SIK3: variants seen among roughly 807,000 people sequenced by gnomAD.
SIK3 encodes serine/threonine-protein kinase SIK3.
Under a neutral mutation model 144.2 loss-of-function variants are expected in SIK3, and 28 were observed. The observed-to-expected ratio is 0.19, with a 90% CI of 0.14 to 0.27. The LOEUF (loss-of-function observed/expected upper bound fraction) is 0.27, where lower values mean the gene tolerates loss of function less well. Ranked by LOEUF, SIK3 falls within the 10% of genes least tolerant of loss-of-function variation. The pLI is 1.00. For missense variants in SIK3, 1,319 were observed against 1,776.0 expected (o/e 0.74, Z 4.62); for synonymous variants, 686 against 676.3 (o/e 1.01, Z -0.22).
At chr11:117,029,536 G>A (rs1018091586) in intron 1 of SIK3, among the ~76,000 whole-genome samples, 3 of 152,128 alleles carry the variant, frequency 2.0e-5, no homozygotes, top group Non-Finnish European at 4.4e-5. Flanking sequence ...GGTCAGAAAT[G>A]GGCGTATCAG....
intron 1 of SIK3, among the ~76,000 whole-genome samples, chr11:116,958,890 C>T (rs906614832): frequency 6.6e-6 from 1 of 152,106 alleles, no homozygotes; most frequent in Non-Finnish European, 1.5e-5. Context: ...GCTCCCAAAA[C>T]AACAACAAAA....
At chr11:116,924,827 G>A (rs1341941232) in intron 4 of SIK3, among the ~76,000 whole-genome samples, 1 of 152,158 alleles carries the variant, frequency 6.6e-6, no homozygotes, top group Admixed American at 6.5e-5. Flanking sequence ...TGTCCAGAGG[G>A]CCTTCTTTTA....
chr11:116,914,610 C>G (rs964400037), intron 4 of SIK3, among the ~76,000 whole-genome samples: 1 of 152,102 alleles, frequency 6.6e-6, no homozygotes, highest in African/African-American at 2.4e-5. Flanking sequence ...GGGGGAGATA[C>G]ACATGAAACA....
At chr11:117,065,422 A>T (rs1953967305) in intron 1 of SIK3, among the ~76,000 whole-genome samples, 1 of 151,678 alleles carries the variant, frequency 6.6e-6, no homozygotes, top group Non-Finnish European at 1.5e-5. Flanking sequence ...TGAATTTTTC[A>T]TTTTTTTTAC....
intron 3 of SIK3, among the ~76,000 whole-genome samples, chr11:116,931,447 A>C (rs758763237): frequency 2.0e-5 from 3 of 152,200 alleles, no homozygotes; most frequent in Non-Finnish European, 4.4e-5. Flanking sequence ...AACATTTCTT[A>C]AAATAAGTCA....
In SIK3 at chr11:117,098,225, C is replaced by T; in HGVS notation, c.191G>A (p.Gly64Asp). ...GATGGTGCGGTCGATCTCGTAGTAG[C>T]CGATACGGGCGGGCATGGGTCCGCG... ...ASRGPMPARI[G>D]YYEIDRTIGK... Residue 64 changes from glycine (G) to aspartate (D), a missense_variant, in exon 1 of 25, where the codon GGC (glycine) becomes GAC (aspartate). Around this residue, in one of 8 missense-constraint regions of SIK3, gnomAD observed 114 missense variants for 116.2 expected, o/e 0.98. Coordinates refer to ENST00000445177, the MANE Select transcript of SIK3 (RefSeq NM_001366686.3). 1.3e-6 allele frequency: 2 copies of T among 1,503,194 alleles called. No homozygotes were observed. Among genetic ancestry groups the T allele is most frequent in the Non-Finnish European group, 1.8e-6 (2 of 1,125,490 alleles). 93.1% of individuals were successfully genotyped at this position (1,503,194 alleles called of 1,614,324 possible).
intron 3 of SIK3, among the ~76,000 whole-genome samples, chr11:116,947,527 A>G (rs113667047): frequency 0.25 from 23,219 of 93,660 alleles, 2,164 homozygotes; most frequent in Admixed American, 0.29. Context: ...AAATATATAT[A>G]TATATATGTA....
intron 3 of SIK3, among the ~76,000 whole-genome samples, chr11:116,941,180 G>T (rs1948278539): frequency 6.6e-6 from 1 of 151,992 alleles, no homozygotes; most frequent in African/African-American, 2.4e-5. Flanking sequence ...CTAATTTTTT[G>T]TATTTTCGGT....
chr11:116,997,979 CCT>C (rs1265650475), intron 1 of SIK3, among the ~76,000 whole-genome samples: 1 of 152,086 alleles, frequency 6.6e-6, no homozygotes, highest in Non-Finnish European at 1.5e-5. Flanking sequence ...CCTGACTCAG[CCT>C]CCCAAGTAGC....
At chr11:117,072,114 G>A (rs998469649) in intron 1 of SIK3, among the ~76,000 whole-genome samples, 29 of 152,200 alleles carry the variant, frequency 1.9e-4, no homozygotes, top group South Asian at 6.2e-4. Flanking sequence ...ACAGCCAGGC[G>A]TGGTGGCTCA....
chr11:116,897,412 G>T, intron 4 of SIK3, 95 bp from the exon 5 acceptor site: 2 of 1,109,436 alleles, frequency 1.8e-6, no homozygotes, highest in Non-Finnish European at 2.6e-6. Context: ...CCAAATCATT[G>T]TCTGAATATT....
intron 1 of SIK3, among the ~76,000 whole-genome samples, chr11:117,003,287 A>C (rs1950922280): frequency 6.6e-6 from 1 of 152,210 alleles, no homozygotes; most frequent in Non-Finnish European, 1.5e-5. Context: ...ACTTCTGTTC[A>C]AGAAGCCTTT....
intron 1 of SIK3, among the ~76,000 whole-genome samples, chr11:117,075,786 G>T (rs984612966): frequency 7.1e-6 from 1 of 140,290 alleles, no homozygotes; most frequent in Non-Finnish European, 1.5e-5. Flanking sequence ...CTTATGATCT[G>T]CCCACATTGG....
intron 1 of SIK3, among the ~76,000 whole-genome samples, chr11:117,050,013 G>T (rs187690110): frequency 4.0e-5 from 6 of 151,828 alleles, no homozygotes; most frequent in Admixed American, 2.6e-4. Context: ...GATAGCAGCC[G>T]GGCACAGTGG....
intron 15 of SIK3, among the ~76,000 whole-genome samples, chr11:116,866,741 C>A (rs1943667852): frequency 6.6e-6 from 1 of 152,104 alleles, no homozygotes; most frequent in Non-Finnish European, 1.5e-5. Flanking sequence ...TGCCTGGCCT[C>A]AAAGTGCTCT....
At chr11:116,863,931 T>A in intron 15 of SIK3, 113 bp from the exon 16 acceptor site, 1 of 1,070,380 alleles carries the variant, frequency 9.3e-7, no homozygotes, top group Non-Finnish European at 1.3e-6. Context: ...CAGGTAGCCC[T>A]GCATATTATG....
At chr11:117,036,397 T>C (rs10732856) in intron 1 of SIK3, among the ~76,000 whole-genome samples, 130,237 of 152,050 alleles carry the variant, frequency 0.86, 56,428 homozygotes, top group African/African-American at 0.9. Context: ...ACCATTCTGA[T>C]TGTGCTTATA....
At chr11:117,038,642 C>T (rs374782083) in intron 1 of SIK3, among the ~76,000 whole-genome samples, 3 of 152,154 alleles carry the variant, frequency 2.0e-5, no homozygotes, top group Admixed American at 6.5e-5. Context: ...TGTGAGCCAC[C>T]GCACCTGGCC....
At chr11:116,847,289 C>G (rs910809406) in intron 23 of SIK3, among the ~76,000 whole-genome samples, 187 bp downstream of exon 23, 3 of 152,168 alleles carry the variant, frequency 2.0e-5, no homozygotes, top group Non-Finnish European at 1.5e-5. Flanking sequence ...GGCCAGAAGC[C>G]ACACCTCCTT....
Sources: gnomAD v4.1 joint callset for allele counts (sites outside exome capture counted in the v4.1 genomes callset) on GRCh38, gnomAD v4.1.1 for gene constraint, gnomAD v4.1.1 regional missense constraint, MANE v1.5 for transcripts, NCBI Gene and HGNC (gene_info 2026-07-23, HGNC 2026-07-21) for gene names.